The following TOM1L1 variants were observed in gnomAD, a reference collection of about 807,000 sequenced individuals.
The protein encoded by TOM1L1 is TOM1-like protein 1.
In TOM1L1, 64 loss-of-function variants were observed where a neutral mutation model predicts 63.4. That is an observed-to-expected ratio of 1.01 (90% CI 0.83 to 1.24). The LOEUF is 1.24. Ranked by LOEUF, TOM1L1 falls within the 50% of genes most tolerant of loss-of-function variation. The pLI is 0.00. For synonymous variants in TOM1L1, 166 were observed against 194.4 expected (o/e 0.85, Z 1.22); for missense variants, 536 against 567.0 (o/e 0.95, Z 0.55).
intron 3 of TOM1L1, among the ~76,000 whole-genome samples, chr17:54,910,291 AC>A (rs1438956133): frequency 4.6e-5 from 7 of 152,160 alleles, no homozygotes; most frequent in African/African-American, 1.7e-4. Flanking sequence ...ACCCATGTCT[AC>A]TAAAAATACA....
At chr17:54,925,910 A>AAGCAAC (rs2048760835) in intron 7 of TOM1L1, among the ~76,000 whole-genome samples, 1 of 141,422 alleles carries the variant, frequency 7.1e-6, no homozygotes. Flanking sequence ...CTCAAACAAA[A>AAGCAAC]AACAACAACA....
intron 10 of TOM1L1, 21 bp downstream of exon 10, chr17:54,937,247 T>G (rs200569613): frequency 6.5e-7 from 1 of 1,540,756 alleles, no homozygotes; most frequent in East Asian, 2.2e-5. Context: ...ACTCAGGTCT[T>G]TTCAGACCAG....
chr17:54,913,457 A>G (rs2048527903), intron 4 of TOM1L1, among the ~76,000 whole-genome samples: 1 of 152,024 alleles, frequency 6.6e-6, no homozygotes, highest in African/African-American at 2.4e-5. Flanking sequence ...CAAGGTCAGG[A>G]GTTCGAGAGC....
chr17:54,961,807 T>C lies in TOM1L1; in HGVS notation c.*574T>C. On this transcript the variant is annotated 3_prime_UTR_variant, in exon 16 of 16. Transcript: ENST00000575882. The stretch of plus-strand genomic sequence containing the variant: ...CTGAACAGGTCACTAGACTCTACAT[T>C]GGGCAGCCTTTAAATATGATTCTTT... 1 of 985,988 alleles carries C rather than the reference T, an allele frequency of 1.0e-6. No homozygotes were observed. Among genetic ancestry groups the C allele is most frequent in the Non-Finnish European group, 1.2e-6 (1 of 829,958 alleles). 61.1% of individuals were successfully genotyped at this position (985,988 alleles called of 1,614,324 possible). A position where few individuals can be genotyped will look rare whatever the true frequency, so the allele number is the denominator to read the frequency against.
At position 54,950,013 on chromosome 17, in the gene TOM1L1, A is replaced by G. The variant is rs201496785; in HGVS notation, c.1289-32A>G. ...TTGCGTGTACTCCTCAAAAAGCACA[A>G]TATGTTTACTGGTCTCTTTTTTTGC... On this transcript the variant is annotated intron_variant, in intron 13 of 15. Transcript: ENST00000575882. 21 of 1,564,732 alleles carry G rather than the reference A, an allele frequency of 1.3e-5. 1 individual carries two copies. The highest frequency in any genetic ancestry group is 1.7e-4 in the Middle Eastern group (1 of 5,946).
At chr17:54,939,581 A>C (rs954598009) in intron 11 of TOM1L1, among the ~76,000 whole-genome samples, 7 of 152,144 alleles carry the variant, frequency 4.6e-5, no homozygotes, top group South Asian at 4.2e-4. Flanking sequence ...ATGTTAGGTC[A>C]GGGTCTTGCT....
chr17:54,911,592 T>C (rs1204138457), intron 3 of TOM1L1, among the ~76,000 whole-genome samples: 3 of 152,228 alleles, frequency 2.0e-5, no homozygotes. Flanking sequence ...CTTTCAGTCA[T>C]CTTCCTTTTT....
At chr17:54,910,034 A>G (rs1240044729) in intron 3 of TOM1L1, among the ~76,000 whole-genome samples, 1 of 152,204 alleles carries the variant, frequency 6.6e-6, no homozygotes, top group Non-Finnish European at 1.5e-5. Context: ...GGAAAACACA[A>G]AAGGCATGAC....
chr17:54,913,924 G>A (rs371421183), intron 5 of TOM1L1, 51 bp downstream of exon 5: 26 of 1,552,532 alleles, frequency 1.7e-5, no homozygotes, highest in Non-Finnish European at 2.3e-5. Flanking sequence ...TATCACTTGG[G>A]TCTTTTCTCA....
intron 7 of TOM1L1, among the ~76,000 whole-genome samples, chr17:54,924,168 C>A (rs563536892): frequency 2.0e-5 from 3 of 152,144 alleles, no homozygotes; most frequent in African/African-American, 7.2e-5. Context: ...TAACCTCCTT[C>A]CTATTCCTTG....
intron 2 of TOM1L1, among the ~76,000 whole-genome samples, chr17:54,905,217 C>T (rs1055831271): frequency 5.9e-5 from 9 of 152,118 alleles, no homozygotes; most frequent in Non-Finnish European, 1.3e-4. Flanking sequence ...GGAATGAGTG[C>T]ATTTCATGGG....
At chr17:54,920,267 T>C (rs980130365) in intron 7 of TOM1L1, among the ~76,000 whole-genome samples, 1 of 152,114 alleles carries the variant, frequency 6.6e-6, no homozygotes, top group African/African-American at 2.4e-5. Flanking sequence ...CATACTCTGA[T>C]GGAAGGAGTA....
At chr17:54,913,529 G>T (rs551318102) in intron 4 of TOM1L1, among the ~76,000 whole-genome samples, 1 of 152,218 alleles carries the variant, frequency 6.6e-6, no homozygotes, top group Admixed American at 6.5e-5. Context: ...AGCCAGGCGT[G>T]GTGGCGGGCG....
In TOM1L1 at chr17:54,919,595, G is replaced by T. The variant is rs116529825; in HGVS notation, c.720+3733G>T. On this transcript the variant is annotated intron_variant, in intron 7 of 15. Transcript: ENST00000575882. The stretch of plus-strand genomic sequence containing the variant: ...ATGCCAGAGCTCAGGGCTGTGTTTT[G>T]CCTTGAATAGTAAAGAGTCTTAGGT... Among the ~76,000 whole-genome samples the T allele has an allele frequency of 4.2e-3, 637 of 152,270 alleles. 2 individuals are homozygous for T. Among genetic ancestry groups the T allele is most frequent in the African/African-American group, 0.014 (591 of 41,560 alleles).
At chr17:54,928,265 C>T (rs2048800345) in intron 7 of TOM1L1, among the ~76,000 whole-genome samples, 2 of 152,156 alleles carry the variant, frequency 1.3e-5, no homozygotes, top group South Asian at 4.2e-4. Flanking sequence ...TACCGACTAC[C>T]TCTGTATGCC....
chr17:54,917,495 ATTTTAAAATAT>A (rs1424505910), intron 7 of TOM1L1: 2 of 152,194 alleles, frequency 1.3e-5, no homozygotes, highest in African/African-American at 2.4e-5. Context: ...TATGTACATA[ATTTTAAAATAT>A]TTTTAAAATA....
At chr17:54,927,275 A>G (rs1050855034) in intron 7 of TOM1L1, among the ~76,000 whole-genome samples, 5 of 152,226 alleles carry the variant, frequency 3.3e-5, no homozygotes, top group Non-Finnish European at 5.9e-5. Flanking sequence ...TGCCATACAG[A>G]TAGTATTTCC....
rs1222652632 is a variant in TOM1L1, at chr17:54,903,611, A to G, written c.59-97A>G. 13 of 1,094,174 alleles carry G rather than the reference A, an allele frequency of 1.2e-5. No homozygotes were observed. The East Asian group carries it at 2.9e-4, about 24-fold the overall frequency. 67.8% of individuals were successfully genotyped at this position (1,094,174 alleles called of 1,614,324 possible). ...CTTTGCCCTTTGGCAATGTAAACTT[A>G]ATGACACTTGCTGGTGCAGCCTAGG... On this transcript the variant is annotated intron_variant, in intron 1 of 15. Coordinates refer to ENST00000575882, the MANE Select transcript of TOM1L1 (RefSeq NM_005486.3).
At chr17:54,956,138 G>A (rs372039462) in intron 14 of TOM1L1, among the ~76,000 whole-genome samples, 7 of 152,156 alleles carry the variant, frequency 4.6e-5, no homozygotes, top group African/African-American at 1.2e-4. Flanking sequence ...CTCTCCATGA[G>A]AACACAGGTT....
Sources: gnomAD v4.1 joint callset for allele counts (sites outside exome capture counted in the v4.1 genomes callset) on GRCh38, gnomAD v4.1.1 for gene constraint, MANE v1.5 for transcripts, NCBI Gene and HGNC (gene_info 2026-07-23, HGNC 2026-07-21) for gene names.